The following RGS17 variants were observed in gnomAD, a reference collection of about 807,000 sequenced individuals.
RGS17 encodes regulator of G-protein signaling 17.
In RGS17, 12 loss-of-function variants were observed where a neutral mutation model predicts 25.5. The observed-to-expected ratio is 0.47, with a 90% CI of 0.30 to 0.76. The LOEUF is 0.76. RGS17 is among the 30% of genes least tolerant of loss of function. RGS17 has a pLI of 0.07. For synonymous variants in RGS17, 71 were observed against 76.9 expected (o/e 0.92, Z 0.40); for missense variants, 196 against 242.2 (o/e 0.81, Z 1.27).
intron 1 of RGS17, among the ~76,000 whole-genome samples, chr6:153,063,937 A>G (rs1315916986): frequency 2.0e-5 from 3 of 146,968 alleles, no homozygotes; most frequent in Non-Finnish European, 3.0e-5. Flanking sequence ...GAGTGGCATA[A>G]CATATGTAAA....
At chr6:153,114,018 G>A (rs1220377855) in intron 1 of RGS17, among the ~76,000 whole-genome samples, 1 of 151,998 alleles carries the variant, frequency 6.6e-6, no homozygotes, top group Non-Finnish European at 1.5e-5. Flanking sequence ...ATAATCAAAA[G>A]AACTAGAGAG....
chr6:153,101,482 T>C (rs117726556), intron 1 of RGS17, among the ~76,000 whole-genome samples: 1,798 of 152,298 alleles, frequency 0.012, 13 homozygotes, highest in Non-Finnish European at 0.018. Context: ...GATTTAAAAG[T>C]GATGGCAGAT....
At chr6:153,026,871 TAC>T (rs554578683) in intron 2 of RGS17, among the ~76,000 whole-genome samples, 20 of 151,962 alleles carry the variant, frequency 1.3e-4, no homozygotes, top group South Asian at 6.2e-4. Context: ...TATATGTATA[TAC>T]ACACACACAC....
rs918740533 is a variant in RGS17 at position 153,037,335 on chromosome 6, C to T, written c.119+6565G>A. Among the ~76,000 whole-genome samples, 6 of 152,090 alleles carry T rather than the reference C, an allele frequency of 3.9e-5. 1 individual carries two copies. The highest frequency in any genetic ancestry group is 1.4e-4 in the African/African-American group (6 of 41,390). ...AAGTTTTTATATTTCATAAAGTAGG[C>T]TCAATTGGCAAATCCAAATCCATCA... is the stretch of plus-strand genomic sequence containing the variant. On this transcript the variant is annotated intron_variant, in intron 2 of 4. Transcript: ENST00000206262.
chr6:153,098,930 A>G (rs1484687808), intron 1 of RGS17, among the ~76,000 whole-genome samples: 1 of 152,186 alleles, frequency 6.6e-6, no homozygotes, highest in Non-Finnish European at 1.5e-5. Context: ...CAAAAATACT[A>G]GAGCAGCAGA....
intron 1 of RGS17, among the ~76,000 whole-genome samples, chr6:153,085,460 G>A (rs1777039183): frequency 6.6e-6 from 1 of 152,152 alleles, no homozygotes; most frequent in Admixed American, 6.5e-5. Context: ...CAGAAGTGAC[G>A]TCACCTGCAA....
intron 1 of RGS17, among the ~76,000 whole-genome samples, chr6:153,129,472 G>A (rs1777752781): frequency 6.6e-6 from 1 of 152,150 alleles, no homozygotes. Flanking sequence ...TTTCGTACAC[G>A]CAGCGTCTGG....
At chr6:153,084,648 C>A (rs1361271305) in intron 1 of RGS17, among the ~76,000 whole-genome samples, 1 of 152,160 alleles carries the variant, frequency 6.6e-6, no homozygotes, top group Non-Finnish European at 1.5e-5. Flanking sequence ...CCTCAGAAGA[C>A]TGGAATACAG....
intron 2 of RGS17, among the ~76,000 whole-genome samples, chr6:153,032,184 G>T (rs1465954388): frequency 1.3e-5 from 2 of 152,132 alleles, no homozygotes; most frequent in African/African-American, 4.8e-5. Flanking sequence ...CAGACACATA[G>T]AAACTCAATG....
chr6:153,108,091 C>T (rs966195589), intron 1 of RGS17, among the ~76,000 whole-genome samples: 3 of 152,128 alleles, frequency 2.0e-5, no homozygotes, highest in African/African-American at 4.8e-5. Context: ...CATCCTCTCC[C>T]GTCCCCCAAA....
intron 2 of RGS17, among the ~76,000 whole-genome samples, chr6:153,027,518 G>A (rs1287448342): frequency 1.3e-5 from 2 of 152,130 alleles, no homozygotes; most frequent in Admixed American, 6.5e-5. Context: ...AGCACAAGAA[G>A]TTCAGATAAC....
In RGS17 at chr6:153,010,883, C is replaced by CTTTTTTTTTTTTTTTT. The variant is rs367841076; in HGVS notation, c.*690_*691insAAAAAAAAAAAAAAAA. On this transcript the variant is annotated 3_prime_UTR_variant, in exon 5 of 5. Coordinates refer to ENST00000206262, the MANE Select transcript of RGS17 (RefSeq NM_012419.5). ...TGTTTTGTGCTTTTTTCCTTCTTCCCTTTTTTTTTTTTTTTGTTTTTTGCT... is the reference window on the plus strand; with the variant it reads ...TGTTTTGTGCTTTTTTCCTTCTTCCCTTTTTTTTTTTTTTTTTTTTTTTTTTTTTTTGTTTTTTGCT... The CTTTTTTTTTTTTTTTT allele has an allele frequency of 7.2e-6, 1 of 137,984 alleles. No individual in the cohort carries two copies. Among genetic ancestry groups the CTTTTTTTTTTTTTTTT allele is most frequent in the African/African-American group, 2.6e-5 (1 of 37,998 alleles). 8.5% of individuals were successfully genotyped at this position (137,984 alleles called of 1,614,324 possible). A position where few individuals can be genotyped will look rare whatever the true frequency, so the allele number is the denominator to read the frequency against.
chr6:153,062,624 G>A (rs1584140011), intron 1 of RGS17, among the ~76,000 whole-genome samples: 1 of 152,228 alleles, frequency 6.6e-6, no homozygotes, highest in African/African-American at 2.4e-5. Flanking sequence ...AGACTCAGGG[G>A]CACGTGACCT....
chr6:153,061,342 T>A (rs1274638861), intron 1 of RGS17, among the ~76,000 whole-genome samples: 1 of 152,316 alleles, frequency 6.6e-6, no homozygotes, highest in South Asian at 2.1e-4. Context: ...CTGTTTAATA[T>A]AGAGTCATAA....
rs1205496291 is a variant in RGS17 at position 153,006,748 on chromosome 6, T to C, written c.*4826A>G. 6.6e-6 allele frequency: 1 copy of C among 152,252 alleles called. No individual in the cohort carries two copies. 9.4% of individuals were successfully genotyped at this position (152,252 alleles called of 1,614,324 possible). A position where few individuals can be genotyped will look rare whatever the true frequency, so the allele number is the denominator to read the frequency against. On this transcript the variant is annotated 3_prime_UTR_variant, in exon 5 of 5. Coordinates refer to ENST00000206262, the MANE Select transcript of RGS17 (RefSeq NM_012419.5). ...CTTTATTCTTTCCACGTTTGTTTTA[T>C]TTAATGCTCATAGTTATCCTGATAA...
intron 1 of RGS17, among the ~76,000 whole-genome samples, chr6:153,122,628 G>C (rs145795684): frequency 1.3e-5 from 2 of 151,732 alleles, no homozygotes; most frequent in African/African-American, 4.9e-5. Context: ...AAGACAGTAG[G>C]GTTTTTTGTT....
At chr6:153,106,981 A>C (rs966350671) in intron 1 of RGS17, among the ~76,000 whole-genome samples, 1 of 152,102 alleles carries the variant, frequency 6.6e-6, no homozygotes, top group African/African-American at 2.4e-5. Flanking sequence ...TTCTACAGCC[A>C]GAGCTAGAAC....
intron 2 of RGS17, among the ~76,000 whole-genome samples, chr6:153,040,442 AC>A (rs1450992975): frequency 8.5e-5 from 13 of 152,086 alleles, no homozygotes; most frequent in Non-Finnish European, 1.6e-4. Context: ...CTGTTAAAAA[AC>A]CCATAACATG....
rs201808939 is a variant in RGS17, at chr6:153,020,110, AAATATAT to A, written c.444+4145_444+4151del. ...TAATTGCAAATATCTTAAAAAAAAA[AAATATAT>A]ATATATATATATATATATATATTTT... On this transcript the variant is annotated intron_variant, in intron 4 of 4. Coordinates refer to ENST00000206262, the MANE Select transcript of RGS17 (RefSeq NM_012419.5). Among the ~76,000 whole-genome samples the A allele has an allele frequency of 7.7e-3, 253 of 32,664 alleles. 3 individuals are homozygous for A. Among genetic ancestry groups the A allele is most frequent in the African/African-American group, 0.027 (229 of 8,440 alleles). 21.4% of individuals were successfully genotyped at this position (32,664 alleles called of 152,430 possible). A position where few individuals can be genotyped will look rare whatever the true frequency, so the allele number is the denominator to read the frequency against.
Sources: gnomAD v4.1 joint callset for allele counts (sites outside exome capture counted in the v4.1 genomes callset) on GRCh38, gnomAD v4.1.1 for gene constraint, MANE v1.5 for transcripts, NCBI Gene and HGNC (gene_info 2026-07-23, HGNC 2026-07-21) for gene names.